EBF1: variants seen among roughly 807,000 people sequenced by gnomAD.
EBF1 encodes transcription factor COE1.
A neutral mutation model predicts 68.4 loss-of-function variants in EBF1; 10 were observed. The ratio of observed to expected loss-of-function variants is 0.15; its 90% CI spans 0.09 to 0.25. EBF1 has a LOEUF of 0.25. EBF1 is among the 10% of genes least tolerant of loss of function. The probability of loss-of-function intolerance (pLI) is 1.00; values close to 1 mark genes in which losing one functional copy is unlikely to be tolerated. For missense variants in EBF1, 509 were observed against 794.4 expected (o/e 0.64, Z 4.32); for synonymous variants, 298 against 299.8 (o/e 0.99, Z 0.06).
chr5:159,093,609 T>C (rs1322117613), intron 4 of EBF1, among the ~76,000 whole-genome samples: 3 of 152,130 alleles, frequency 2.0e-5, no homozygotes, highest in South Asian at 4.1e-4. Flanking sequence ...TATGACCTTG[T>C]TAGTAAAATG....
At chr5:159,073,891 C>A (rs2127946510) in intron 5 of EBF1, 1 of 155,560 alleles carries the variant, frequency 6.4e-6, no homozygotes, top group South Asian at 2.1e-4. Flanking sequence ...GTGATTTCTC[C>A]CCCTCCAGTC....
At chr5:158,911,248 C>T (rs1049386222) in intron 6 of EBF1, among the ~76,000 whole-genome samples, 2 of 152,134 alleles carry the variant, frequency 1.3e-5, no homozygotes, top group African/African-American at 2.4e-5. Flanking sequence ...AATGCTTAGA[C>T]CTTCTTCAGC....
intron 6 of EBF1, among the ~76,000 whole-genome samples, chr5:158,866,881 ATATATATATATAT>A (rs1796020228): frequency 1.4e-5 from 1 of 69,056 alleles, no homozygotes; most frequent in African/African-American, 4.7e-5. Flanking sequence ...ATATATATAT[ATATATATATATAT>A]AAAGCCACAT....
intron 9 of EBF1, among the ~76,000 whole-genome samples, chr5:158,785,252 T>C (rs181365169): frequency 6.6e-6 from 1 of 152,274 alleles, no homozygotes; most frequent in East Asian, 1.9e-4. Context: ...CAGGCAAACT[T>C]GTTTTCCCTC....
intron 6 of EBF1, among the ~76,000 whole-genome samples, chr5:158,869,585 ACACACAC>A (rs1796524635): frequency 3.3e-5 from 1 of 30,516 alleles, no homozygotes; most frequent in South Asian, 2.6e-3. Flanking sequence ...ATAAACACAC[ACACACAC>A]ACACACACAC....
chr5:158,958,785 C>A (rs972664711), intron 6 of EBF1, among the ~76,000 whole-genome samples: 4 of 152,100 alleles, frequency 2.6e-5, no homozygotes, highest in Non-Finnish European at 2.9e-5. Flanking sequence ...CCAGAAACGC[C>A]GTTTTCTAAC....
In EBF1 at chr5:159,096,149, C is replaced by T. The variant is rs947614356; in HGVS notation, c.355+194G>A. On this transcript the variant is annotated intron_variant, in intron 3 of 15. Coordinates refer to ENST00000313708, the MANE Select transcript of EBF1 (RefSeq NM_024007.5). ...ACCTGGCCCCAGGTAAACGCGAGAC[C>T]GATAAGGCTCTTGGGCCACTAGGAG... 10 of 617,586 alleles carry T rather than the reference C, an allele frequency of 1.6e-5. No homozygotes were observed. The South Asian group carries it at 1.8e-4, about 11-fold the overall frequency. 38.3% of individuals were successfully genotyped at this position (617,586 alleles called of 1,614,324 possible). A position where few individuals can be genotyped will look rare whatever the true frequency, so the allele number is the denominator to read the frequency against.
intron 6 of EBF1, among the ~76,000 whole-genome samples, chr5:158,932,581 CAAT>C (rs1310521905): frequency 6.6e-6 from 1 of 151,964 alleles, no homozygotes; most frequent in East Asian, 1.9e-4. Context: ...TAAAATAATT[CAAT>C]AATATGTCTT....
chr5:159,035,525 C>G (rs1377375249), intron 6 of EBF1, among the ~76,000 whole-genome samples: 1 of 152,158 alleles, frequency 6.6e-6, no homozygotes, highest in Non-Finnish European at 1.5e-5. Flanking sequence ...GTGATGGTTT[C>G]ATACTTAGAG....
rs370733332 is a variant in EBF1 at position 158,708,070 on chromosome 5, G to A, written c.1653C>T (p.Ala551=). The A allele has an allele frequency of 3.3e-5, 51 of 1,568,140 alleles. No individual in the cohort carries two copies. The highest frequency in any genetic ancestry group is 1.8e-4 in the Middle Eastern group (1 of 5,462). ...FSFSPANMVS[A]VKQKSAFAPV... ...GTGCGAAAGCACTCTTCTGTTTCACGGCTGAGACCATGTTGGCTGGTGAGA... is the reference window on the plus strand; with the variant it reads ...GTGCGAAAGCACTCTTCTGTTTCACAGCTGAGACCATGTTGGCTGGTGAGA... The change falls in exon 15 of 16, where the codon GCC becomes GCT. Residue 551 remains alanine (A), a synonymous_variant. Transcript: ENST00000313708.
At chr5:158,916,789 C>G (rs760603528) in intron 6 of EBF1, among the ~76,000 whole-genome samples, 1 of 152,138 alleles carries the variant, frequency 6.6e-6, no homozygotes, top group African/African-American at 2.4e-5. Context: ...TATTTCCTTA[C>G]TCTGGACCAC....
chr5:158,716,105 C>T (rs1760638687), intron 11 of EBF1, among the ~76,000 whole-genome samples: 1 of 152,068 alleles, frequency 6.6e-6, no homozygotes, highest in Admixed American at 6.6e-5. Flanking sequence ...AGCAGTGTAC[C>T]TTATTTTAAT....
At chr5:159,057,463 C>T (rs1009032208) in intron 6 of EBF1, among the ~76,000 whole-genome samples, 2 of 152,174 alleles carry the variant, frequency 1.3e-5, no homozygotes, top group Admixed American at 1.3e-4. Context: ...CAATGCTAGG[C>T]CTTGTTAGAG....
chr5:158,885,264 G>T (rs111608491), intron 6 of EBF1, among the ~76,000 whole-genome samples: 21 of 152,340 alleles, frequency 1.4e-4, no homozygotes, highest in African/African-American at 4.6e-4. Context: ...CAGCCCTCTG[G>T]CTGTCACGTG....
chr5:158,850,980 G>A (rs1277518437), intron 6 of EBF1, among the ~76,000 whole-genome samples: 2 of 152,050 alleles, frequency 1.3e-5, no homozygotes, highest in Non-Finnish European at 2.9e-5. Flanking sequence ...CTGGGTGACA[G>A]AGCGAGACTC....
intron 8 of EBF1, among the ~76,000 whole-genome samples, chr5:158,797,187 ATC>A (rs1321976207): frequency 1.3e-5 from 2 of 152,178 alleles, no homozygotes; most frequent in African/African-American, 4.8e-5. Context: ...AAAATTTCAT[ATC>A]TCTTTTCTTT....
intron 9 of EBF1, among the ~76,000 whole-genome samples, chr5:158,793,949 A>G (rs1485945018): frequency 6.6e-6 from 1 of 152,252 alleles, no homozygotes; most frequent in East Asian, 1.9e-4. Flanking sequence ...TACAAGGATC[A>G]TTCTTCTGAA....
rs1562086556 is a variant in EBF1 at position 158,840,667 on chromosome 5, TTTTTTG to T, written c.555-563_555-558del. ...CCTGTTTTTTTTTTTTTTTTTTTTT[TTTTTTG>T]TTTTTTTTTTTTTTTTGAGACGGAG... On this transcript the variant is annotated intron_variant, in intron 6 of 15. Transcript: ENST00000313708. Among the ~76,000 whole-genome samples, 35 of 80,140 alleles carry T rather than the reference TTTTTTG, an allele frequency of 4.4e-4. 4 individuals are homozygous for T. Among genetic ancestry groups the T allele is most frequent in the Non-Finnish European group, 6.8e-4 (25 of 36,930 alleles). The allele number at this position is 80,140 out of a possible 152,430, so 52.6% of individuals were successfully genotyped here.
chr5:158,712,358 G>C, intron 13 of EBF1, 25 bp from the exon 14 acceptor site: 1 of 1,610,850 alleles, frequency 6.2e-7, no homozygotes, highest in Non-Finnish European at 8.5e-7. Context: ...CAAAACCGGA[G>C]GTGAGGGTGG....
Sources: gnomAD v4.1 joint callset for allele counts (sites outside exome capture counted in the v4.1 genomes callset) on GRCh38, gnomAD v4.1.1 for gene constraint, MANE v1.5 for transcripts, NCBI Gene and HGNC (gene_info 2026-07-23, HGNC 2026-07-21) for gene names.